The following ANKRD29 variants were observed in gnomAD, a reference collection of about 807,000 sequenced individuals.
ANKRD29 encodes ankyrin repeat domain-containing protein 29.
Under a neutral mutation model 38.0 loss-of-function variants are expected in ANKRD29, and 32 were observed. That is an observed-to-expected ratio of 0.84 (90% CI 0.64 to 1.13). ANKRD29 has a LOEUF of 1.13. Ranked by LOEUF, ANKRD29 falls within the 50% of genes most tolerant of loss-of-function variation. The pLI is 0.00. For missense variants in ANKRD29, 357 were observed against 377.9 expected (o/e 0.94, Z 0.46); for synonymous variants, 135 against 152.4 (o/e 0.89, Z 0.84).
chr18:23,662,831 G>C lies in ANKRD29; in HGVS notation c.-101C>G. 2 of 1,103,910 alleles carry C rather than the reference G, an allele frequency of 1.8e-6. No homozygotes were observed. The highest frequency in any genetic ancestry group is 2.2e-6 in the Non-Finnish European group (2 of 892,496). The allele number at this position is 1,103,910 out of a possible 1,614,324, so 68.4% of individuals were successfully genotyped here. A position where few individuals can be genotyped will look rare whatever the true frequency, so the allele number is the denominator to read the frequency against. ...CGGGGCTCTCGGCGTTCCGCAGAGG[G>C]GCGGCCTCCGACGCCGCGCGCTCCC... is the stretch of plus-strand genomic sequence containing the variant. On this transcript the variant is annotated 5_prime_UTR_variant, in exon 1 of 10. Coordinates refer to ENST00000592179, the MANE Select transcript of ANKRD29 (RefSeq NM_173505.4).
chr18:23,644,819 T>G (rs2060118236), intron 3 of ANKRD29, among the ~76,000 whole-genome samples: 1 of 152,236 alleles, frequency 6.6e-6, no homozygotes, highest in Non-Finnish European at 1.5e-5. Flanking sequence ...GCCTCTAGCC[T>G]GAGCCTCTCA....
chr18:23,615,782 A>G (rs777735856), intron 8 of ANKRD29, among the ~76,000 whole-genome samples: 1 of 151,744 alleles, frequency 6.6e-6, no homozygotes, highest in Non-Finnish European at 1.5e-5. Flanking sequence ...AGAGACTTGT[A>G]TGGCCCACAC....
At chr18:23,634,276 CTGTTTTTTTTT>C in intron 4 of ANKRD29, 127 bp from the exon 5 acceptor site, 1 of 447,530 alleles carries the variant, frequency 2.2e-6, no homozygotes, top group Non-Finnish European at 3.7e-6. Flanking sequence ...CTCACTTTCC[CTGTTTTTTTTT>C]TTTTTTTTTT....
intron 8 of ANKRD29, among the ~76,000 whole-genome samples, chr18:23,613,095 C>T (rs1439393151): frequency 1.3e-5 from 2 of 150,810 alleles, no homozygotes; most frequent in African/African-American, 2.4e-5. Flanking sequence ...ATTCACTACT[C>T]TTGTAACAAT....
At chr18:23,638,696 C>T (rs2060034219) in intron 4 of ANKRD29, among the ~76,000 whole-genome samples, 153 bp downstream of exon 4, 2 of 152,192 alleles carry the variant, frequency 1.3e-5, no homozygotes, top group South Asian at 4.1e-4. Flanking sequence ...TACCCCTGAA[C>T]CACTACAAGT....
At position 23,662,902 on chromosome 18, in the gene ANKRD29, G is replaced by T; in HGVS notation, c.-172C>A. 2.7e-6 allele frequency: 1 copy of T among 373,352 alleles called. No homozygotes were observed. Among genetic ancestry groups the T allele is most frequent in the Admixed American group, 6.4e-5 (1 of 15,560 alleles). 23.1% of individuals were successfully genotyped at this position (373,352 alleles called of 1,614,324 possible). On this transcript the variant is annotated 5_prime_UTR_variant, in exon 1 of 10. Transcript: ENST00000592179. ...CCGCCGCACACAGGGCCGGGCCGAAGGGGCGGCGCGGGGGCGCGCGCGCGC... is the reference window on the plus strand; with the variant it reads ...CCGCCGCACACAGGGCCGGGCCGAATGGGCGGCGCGGGGGCGCGCGCGCGC...
chr18:23,658,805 A>T (rs2060317583), intron 1 of ANKRD29, among the ~76,000 whole-genome samples: 1 of 152,156 alleles, frequency 6.6e-6, no homozygotes, highest in East Asian at 1.9e-4. Flanking sequence ...TAGAGACACC[A>T]GGGCTTTCTC....
chr18:23,611,731 C>T (rs539781884), intron 9 of ANKRD29, among the ~76,000 whole-genome samples: 2 of 152,134 alleles, frequency 1.3e-5, no homozygotes, highest in African/African-American at 2.4e-5. Context: ...CATCACACAA[C>T]GCACGTCCAT....
intron 8 of ANKRD29, among the ~76,000 whole-genome samples, chr18:23,617,041 A>G (rs973949055): frequency 6.6e-6 from 1 of 152,016 alleles, no homozygotes; most frequent in Non-Finnish European, 1.5e-5. Context: ...CAATATGGTG[A>G]AACCCCGTCT....
At chr18:23,655,091 C>T (rs2060261721) in intron 1 of ANKRD29, among the ~76,000 whole-genome samples, 1 of 152,134 alleles carries the variant, frequency 6.6e-6, no homozygotes, top group Non-Finnish European at 1.5e-5. Context: ...TCCATTGTCC[C>T]ACTTTGTGCT....
intron 1 of ANKRD29, among the ~76,000 whole-genome samples, chr18:23,657,922 C>T (rs1156851597): frequency 6.6e-6 from 1 of 152,202 alleles, no homozygotes; most frequent in Non-Finnish European, 1.5e-5. Flanking sequence ...GGACCCACCA[C>T]TCAGTGAGTT....
chr18:23,638,457 C>T (rs947457737), intron 4 of ANKRD29, among the ~76,000 whole-genome samples: 1 of 152,152 alleles, frequency 6.6e-6, no homozygotes, highest in Non-Finnish European at 1.5e-5. Flanking sequence ...CAGATTAATA[C>T]TTCCAACAAT....
chr18:23,606,176 C>T (rs1278827115), intron 9 of ANKRD29, among the ~76,000 whole-genome samples: 2 of 152,214 alleles, frequency 1.3e-5, no homozygotes, highest in Non-Finnish European at 2.9e-5. Flanking sequence ...GTGGCACAAT[C>T]ATGTAGCTCA....
rs903559729 is a variant in ANKRD29 at position 23,633,431 on chromosome 18, T to C, written c.429+620A>G. 1.5e-4 allele frequency among the ~76,000 whole-genome samples: 23 copies of C among 152,228 alleles called. 1 individual carries two copies. Among genetic ancestry groups the C allele is most frequent in the Admixed American group, 9.8e-4 (15 of 15,286 alleles). ...TATTTTGGTTTTCAGCAAGTCCATA[T>C]GCTGGGCTTTGTAGTTTGTCATGGT... On this transcript the variant is annotated intron_variant, in intron 5 of 9. Coordinates refer to ENST00000592179, the MANE Select transcript of ANKRD29 (RefSeq NM_173505.4).
At chr18:23,624,850 G>A (rs983975973) in intron 6 of ANKRD29, among the ~76,000 whole-genome samples, 2 of 152,084 alleles carry the variant, frequency 1.3e-5, no homozygotes, top group African/African-American at 4.8e-5. Flanking sequence ...CATTTCATTC[G>A]AGATCACTTT....
At chr18:23,603,622 G>C (rs934192020) in intron 9 of ANKRD29, among the ~76,000 whole-genome samples, 9 of 152,200 alleles carry the variant, frequency 5.9e-5, no homozygotes, top group African/African-American at 2.2e-4. Flanking sequence ...GATAGTGAGA[G>C]AGACTCCATC....
chr18:23,645,161 A>G (rs1315301048), intron 3 of ANKRD29, among the ~76,000 whole-genome samples: 1 of 152,200 alleles, frequency 6.6e-6, no homozygotes, highest in African/African-American at 2.4e-5. Flanking sequence ...CTCAGGTCTG[A>G]GTCAGTGTGA....
chr18:23,630,448 A>C lies in ANKRD29; in HGVS notation c.430-497T>G, dbSNP rs12962144. On this transcript the variant is annotated intron_variant, in intron 5 of 9. Transcript: ENST00000592179. ...CTCAAAAAACAAAAAATCAAAAAAC[A>C]AAAAACAAATAAAAATACAAAAATT... Among the ~76,000 whole-genome samples, 9 of 151,708 alleles carry C rather than the reference A, an allele frequency of 5.9e-5. No homozygotes were observed. The South Asian group carries it at 1.3e-3, about 21-fold the overall frequency.
chr18:23,654,417 C>G (rs542890803), intron 1 of ANKRD29, among the ~76,000 whole-genome samples: 1 of 151,720 alleles, frequency 6.6e-6, no homozygotes, highest in Non-Finnish European at 1.5e-5. Context: ...CTCAGGAGTT[C>G]GAGACCAGTC....
Sources: allele counts gnomAD v4.1 joint callset (sites outside exome capture counted in the v4.1 genomes callset), GRCh38; gene constraint gnomAD v4.1.1; transcripts MANE v1.5; gene names NCBI Gene and HGNC (gene_info 2026-07-23, HGNC 2026-07-21).